Variants in SCARA3 observed in about 807,000 individuals in gnomAD.
SCARA3 encodes the protein scavenger receptor class A member 3, also known as cellular stress response gene protein.
SCARA3 carries 39 observed loss-of-function variants against 47.0 expected under a neutral mutation model. That is an observed-to-expected ratio of 0.83 (90% CI 0.64 to 1.08). The LOEUF (loss-of-function observed/expected upper bound fraction) is 1.08, where lower values mean the gene tolerates loss of function less well. Among genes scored for constraint, SCARA3 ranks in the 50% least tolerant of loss-of-function variants. SCARA3 has a pLI of 0.00. For missense variants in SCARA3, 724 were observed against 792.3 expected, an observed-to-expected ratio of 0.91 and a Z score of 1.04; for synonymous variants, 356 against 334.1, an observed-to-expected ratio of 1.07 and a Z score of -0.71.
chr8:27,723,112 A>G, the SCARA3 span, among the ~76,000 whole-genome samples: 352 of 152,254 alleles, frequency 2.3e-3, 2 homozygotes, highest in African/African-American at 7.8e-3. Context: ...CAGATCCCCA[A>G]TCACGTTACT....
chr8:27,660,077 C>T (rs1197304636), intron 5 of SCARA3, among the ~76,000 whole-genome samples: 2 of 152,038 alleles, frequency 1.3e-5, no homozygotes, highest in Middle Eastern at 3.2e-3. Flanking sequence ...CCCACCCCCT[C>T]ATTAATGCTC....
intron 4 of SCARA3, 48 bp from the exon 5 acceptor site, chr8:27,658,448 G>T: frequency 6.7e-7 from 1 of 1,491,120 alleles, no homozygotes; most frequent in Non-Finnish European, 9.0e-7. Flanking sequence ...AGGAAGCGTC[G>T]TACCCTGGCC....
At position 27,634,191 on chromosome 8, in the gene SCARA3, G is replaced by C; in HGVS notation, c.-10G>C. On this transcript the variant is annotated 5_prime_UTR_variant, in exon 1 of 6. Transcript: ENST00000301904. Reference sequence around the variant, plus strand: ...AGCGGGGCCCTCCTGAGGCCCCAGAGGAAGAGACCATGAAAGGTAAGGGCG... The same window carrying C: ...AGCGGGGCCCTCCTGAGGCCCCAGACGAAGAGACCATGAAAGGTAAGGGCG... 7.0e-7 allele frequency: 1 copy of C among 1,421,762 alleles called. No individual in the cohort carries two copies. 88.1% of individuals were successfully genotyped at this position (1,421,762 alleles called of 1,614,324 possible).
the SCARA3 span, among the ~76,000 whole-genome samples, chr8:27,726,237 A>G: frequency 1.3e-5 from 2 of 152,108 alleles, no homozygotes; most frequent in Admixed American, 1.3e-4. Flanking sequence ...CAAGACCTGC[A>G]TCTACACAAT....
intron 1 of SCARA3, among the ~76,000 whole-genome samples, chr8:27,646,914 T>A (rs1345814329): frequency 2.7e-5 from 4 of 149,182 alleles, no homozygotes; most frequent in Non-Finnish European, 5.9e-5. Flanking sequence ...CTTCTCATGC[T>A]TCCTTGCTGT....
At chr8:27,727,313 C>T in the SCARA3 span, among the ~76,000 whole-genome samples, 2 of 152,188 alleles carry the variant, frequency 1.3e-5, no homozygotes, top group Admixed American at 6.5e-5. Flanking sequence ...CTTTGAAACC[C>T]CCCTTGAAGC....
chr8:27,707,037 G>A, the SCARA3 span, among the ~76,000 whole-genome samples: 2 of 152,144 alleles, frequency 1.3e-5, no homozygotes, highest in Admixed American at 6.5e-5. Flanking sequence ...AACAGAAGAG[G>A]TCATGGACTT....
chr8:27,715,076 T>A, the SCARA3 span, among the ~76,000 whole-genome samples: 2 of 152,122 alleles, frequency 1.3e-5, no homozygotes, highest in Non-Finnish European at 1.5e-5. The surrounding 1 kb of genome is among the most constrained non-coding windows in gnomAD (Gnocchi z 4.2). Flanking sequence ...CAAGCCACCA[T>A]GCCTGGCTAA....
chr8:27,681,932 G>A, the SCARA3 span, among the ~76,000 whole-genome samples: 4 of 151,680 alleles, frequency 2.6e-5, no homozygotes, highest in East Asian at 1.9e-4. Context: ...AGAAGCTGAC[G>A]ATAAAATGTA....
chr8:27,729,684 G>C, the SCARA3 span, among the ~76,000 whole-genome samples: 2 of 152,168 alleles, frequency 1.3e-5, no homozygotes, highest in East Asian at 3.9e-4. Flanking sequence ...CCAACTACTC[G>C]GGAGCCTGAG....
At chr8:27,675,264 A>G (rs1039128776), downstream of SCARA3, among the ~76,000 whole-genome samples, 1 of 152,200 alleles carries the variant, frequency 6.6e-6, no homozygotes, top group Non-Finnish European at 1.5e-5. Flanking sequence ...TACACCTGTC[A>G]AAACAGAGCC....
rs1802183458 is a variant in SCARA3, at chr8:27,672,232, T to C, written c.*881T>C. On this transcript the variant is annotated 3_prime_UTR_variant, in exon 6 of 6. Coordinates refer to ENST00000301904, the MANE Select transcript of SCARA3 (RefSeq NM_016240.3). The stretch of plus-strand genomic sequence containing the variant: ...AGTTCAACATTTATTTCTTCACGTG[T>C]CCAGAAAATTCCTCAATTCATCCTT... 1 of 985,350 alleles carries C rather than the reference T, an allele frequency of 1.0e-6. No individual in the cohort carries two copies. Among genetic ancestry groups the C allele is most frequent in the Non-Finnish European group, 1.2e-6 (1 of 830,002 alleles). 61.0% of individuals were successfully genotyped at this position (985,350 alleles called of 1,614,324 possible).
chr8:27,684,304 T>G, the SCARA3 span, among the ~76,000 whole-genome samples: 1 of 152,180 alleles, frequency 6.6e-6, no homozygotes, highest in Admixed American at 6.5e-5. Flanking sequence ...ATAGAAAACA[T>G]TTTCAAACTA....
Position 27,672,793 on chromosome 8 carries a change from C to T in SCARA3, c.*1442C>T. The stretch of plus-strand genomic sequence containing the variant: ...CTTCATGTTCAAACAGATTCAGGCA[C>T]CACCCCCTCCACCGCCCGCAAGGTT... On this transcript the variant is annotated 3_prime_UTR_variant, in exon 6 of 6. Coordinates refer to ENST00000301904, the MANE Select transcript of SCARA3 (RefSeq NM_016240.3). 2 of 985,634 alleles carry T rather than the reference C, an allele frequency of 2.0e-6. No individual in the cohort carries two copies. The highest frequency in any genetic ancestry group is 1.2e-4 in the Admixed American group (2 of 16,294). 61.1% of individuals were successfully genotyped at this position (985,634 alleles called of 1,614,324 possible).
the SCARA3 span, chr8:27,701,458 G>A: frequency 2.6e-5 from 4 of 152,034 alleles, no homozygotes; most frequent in Admixed American, 6.5e-5. Flanking sequence ...AAATGTTCTC[G>A]TAGCTCCCCA....
At chr8:27,714,488 G>A in the SCARA3 span, among the ~76,000 whole-genome samples, 95 of 152,028 alleles carry the variant, frequency 6.2e-4, no homozygotes, top group Non-Finnish European at 1.2e-3. Flanking sequence ...CCACCACGCC[G>A]GGCCTCAGGT....
chr8:27,671,549 T>C lies in SCARA3; in HGVS notation c.*198T>C, dbSNP rs1802157357. 3.1e-6 allele frequency: 4 copies of C among 1,284,316 alleles called. No individual in the cohort carries two copies. Among genetic ancestry groups the C allele is most frequent in the African/African-American group, 3.1e-5 (2 of 64,938 alleles). The allele number at this position is 1,284,316 out of a possible 1,614,324, so 79.6% of individuals were successfully genotyped here. A position where few individuals can be genotyped will look rare whatever the true frequency, so the allele number is the denominator to read the frequency against. ...AGCAGCCCCTCCTCACACATACATG[T>C]GCACATGCACACACATGCATGCACA... is the stretch of plus-strand genomic sequence containing the variant. On this transcript the variant is annotated 3_prime_UTR_variant, in exon 6 of 6. Transcript: ENST00000301904.
the SCARA3 span, among the ~76,000 whole-genome samples, chr8:27,712,454 T>G: frequency 6.8e-6 from 1 of 147,974 alleles, no homozygotes; most frequent in Non-Finnish European, 1.5e-5. Flanking sequence ...TCTCAGCTAC[T>G]TGGGAGGCTG....
intron 1 of SCARA3, among the ~76,000 whole-genome samples, chr8:27,645,196 A>G (rs1274890537): frequency 6.6e-6 from 1 of 152,250 alleles, no homozygotes; most frequent in Non-Finnish European, 1.5e-5. Context: ...GGAGAATCCT[A>G]AGAATAAACC....
Sources: allele counts gnomAD v4.1 joint callset (sites outside exome capture counted in the v4.1 genomes callset), GRCh38; gene constraint gnomAD v4.1.1; non-coding constraint Gnocchi (gnomAD v3.1); transcripts MANE v1.5; gene names NCBI Gene and HGNC (gene_info 2026-07-23, HGNC 2026-07-21).